NOL7: variants seen among roughly 807,000 people sequenced by gnomAD.
NOL7 encodes the protein U3 small nucleolar RNA-associated protein NOL7.
A neutral mutation model predicts 38.4 loss-of-function variants in NOL7; 36 were observed. The ratio of observed to expected loss-of-function variants is 0.94; its 90% CI spans 0.72 to 1.24. The LOEUF is 1.24. Ranked by LOEUF, NOL7 falls within the 50% of genes most tolerant of loss-of-function variation. The pLI is 0.00. For synonymous variants in NOL7, 142 were observed against 126.5 expected, an observed-to-expected ratio of 1.12 and a Z score of -0.82; for missense variants, 350 against 315.1, an observed-to-expected ratio of 1.11 and a Z score of -0.84.
At position 13,620,733 on chromosome 6, in the gene NOL7, G is replaced by A. The variant is rs1043871702; in HGVS notation, c.701-21G>A. 5.3e-6 allele frequency: 8 copies of A among 1,498,590 alleles called. 1 individual carries two copies. Among genetic ancestry groups the A allele is most frequent in the Middle Eastern group, 1.8e-4 (1 of 5,626 alleles). 92.8% of individuals were successfully genotyped at this position (1,498,590 alleles called of 1,614,324 possible). A position where few individuals can be genotyped will look rare whatever the true frequency, so the allele number is the denominator to read the frequency against. On this transcript the variant is annotated intron_variant, in intron 7 of 7. Coordinates refer to ENST00000451315, the MANE Select transcript of NOL7 (RefSeq NM_016167.5). ...ATTATGTTTTTCTAATATACTTACTGCAGAAAACTTTATATTCTAGGAATC... is the reference window on the plus strand; with the variant it reads ...ATTATGTTTTTCTAATATACTTACTACAGAAAACTTTATATTCTAGGAATC...
In NOL7 at chr6:13,616,274, G is replaced by T. The variant is rs551416598; in HGVS notation, c.328-189G>T. Among the ~76,000 whole-genome samples the T allele has an allele frequency of 3.9e-5, 6 of 152,278 alleles. No individual in the cohort carries two copies. The South Asian group carries it at 1.2e-3, about 32-fold the overall frequency. On this transcript the variant is annotated intron_variant, in intron 2 of 7. Transcript: ENST00000451315. The stretch of plus-strand genomic sequence containing the variant: ...GGGCACCCTTTCTAGTTTTCATCAA[G>T]TCTTTCAGAGAATGTGGAGTTTTGT...
At chr6:13,618,215 ATATTTTATTT>A (rs550357639) in intron 5 of NOL7, 76 bp downstream of exon 5, 39 of 509,180 alleles carry the variant, frequency 7.7e-5, no homozygotes, top group Middle Eastern at 4.7e-4. Flanking sequence ...ACATGGGAAA[ATATTTTATTT>A]TATTTTATTT....
In NOL7 at chr6:13,615,381, C is replaced by A. The variant is rs767023705; in HGVS notation, c.23C>A (p.Ala8Glu). 87 of 1,517,980 alleles carry A rather than the reference C, an allele frequency of 5.7e-5. No homozygotes were observed. Among genetic ancestry groups the A allele is most frequent in the Non-Finnish European group, 6.8e-5 (77 of 1,135,006 alleles). The allele number at this position is 1,517,980 out of a possible 1,614,324, so 94.0% of individuals were successfully genotyped here. A position where few individuals can be genotyped will look rare whatever the true frequency, so the allele number is the denominator to read the frequency against. MVQLRPR[A>E]SRAPASAEAM... Reference sequence around the variant, plus strand: ...GCCATGGTGCAGCTCCGACCGCGAGCGTCTCGCGCCCCGGCGTCGGCGGAG... The same window carrying A: ...GCCATGGTGCAGCTCCGACCGCGAGAGTCTCGCGCCCCGGCGTCGGCGGAG... Residue 8 changes from alanine to glutamate, a missense_variant, in exon 1 of 8, where the codon GCG (alanine) becomes GAG (glutamate). Ala to Glu is a moderately radical substitution (Grantham distance 107, BLOSUM62 -1). Coordinates refer to ENST00000451315, the MANE Select transcript of NOL7 (RefSeq NM_016167.5).
In NOL7 at chr6:13,617,750, GTTT is replaced by G. The variant is rs772200497; in HGVS notation, c.387-18_387-16del. ...ATCTTTACTGCCATTGCAGTCAGTG[GTTT>G]TGTTTTTTTTCCTTAGCATCAAGAA... On this transcript the variant is annotated splice_polypyrimidine_tract_variant and intron_variant, in intron 3 of 7. Transcript: ENST00000451315. The G allele has an allele frequency of 2.1e-5, 34 of 1,612,448 alleles. No homozygotes were observed. The highest frequency in any genetic ancestry group is 2.2e-5 in the South Asian group (2 of 91,048).
At position 13,627,557 on chromosome 6, in the gene NOL7, T is replaced by C. The variant is rs189526096; in HGVS notation, n.574-4836T>C. Reference sequence around the variant, plus strand: ...AGGCAGGAGAATCACTTGAACCCAGTAGGCGGAGGCTGCAGTGAGCCAAGA... The same window carrying C: ...AGGCAGGAGAATCACTTGAACCCAGCAGGCGGAGGCTGCAGTGAGCCAAGA... On this transcript the variant is annotated intron_variant and non_coding_transcript_variant, in intron 8 of 8. Coordinates refer to the NOL7 transcript ENST00000474485. Among the ~76,000 whole-genome samples the C allele has an allele frequency of 1.2e-3, 172 of 139,138 alleles. 1 individual carries two copies. Among genetic ancestry groups the C allele is most frequent in the African/African-American group, 4.4e-3 (159 of 36,424 alleles). The allele number at this position is 139,138 out of a possible 152,430, so 91.3% of individuals were successfully genotyped here.
At chr6:13,622,072 T>G, downstream of NOL7, 1 of 185,850 alleles carries the variant, frequency 5.4e-6, no homozygotes. Flanking sequence ...GGATTTTTGG[T>G]TTCTTTTAGG....
At chr6:13,627,785 G>A (rs968629657) in intron 8 of NOL7, among the ~76,000 whole-genome samples, 3 of 151,764 alleles carry the variant, frequency 2.0e-5, no homozygotes, top group Non-Finnish European at 2.9e-5. Flanking sequence ...AGGAATACTT[G>A]GTAAACAAAA....
downstream of NOL7, among the ~76,000 whole-genome samples, chr6:13,623,240 T>C (rs1764505649): frequency 6.6e-6 from 1 of 152,206 alleles, no homozygotes; most frequent in Non-Finnish European, 1.5e-5. Context: ...AAGCTGGTAA[T>C]TTCTCTTTAT....
chr6:13,616,457 C>G lies in NOL7; in HGVS notation c.328-6C>G. On this transcript the variant is annotated splice_polypyrimidine_tract_variant and splice_region_variant and intron_variant, in intron 2 of 7. Coordinates refer to ENST00000451315, the MANE Select transcript of NOL7 (RefSeq NM_016167.5). ...CTATTAATTTTAAACGTTTTCATTC[C>G]AAAAGAAAAGAAAACTCCTTCCAGA... 6.2e-7 allele frequency: 1 copy of G among 1,601,516 alleles called. No individual in the cohort carries two copies. The highest frequency in any genetic ancestry group is 1.1e-5 in the South Asian group (1 of 89,242).
chr6:13,620,904 G>T lies in NOL7; in HGVS notation c.*77G>T, dbSNP rs1286552187. 38 of 903,902 alleles carry T rather than the reference G, an allele frequency of 4.2e-5. No homozygotes were observed. Among genetic ancestry groups the T allele is most frequent in the Non-Finnish European group, 6.3e-5 (38 of 601,176 alleles). The allele number at this position is 903,902 out of a possible 1,614,324, so 56.0% of individuals were successfully genotyped here. On this transcript the variant is annotated 3_prime_UTR_variant, in exon 8 of 8. Transcript: ENST00000451315. ...AAATCATTCATAGATCATTTTAAAG[G>T]ATCATTATAAAAATCATAAACCTAT... is the stretch of plus-strand genomic sequence containing the variant.
chr6:13,615,595 G>A lies in NOL7; in HGVS notation c.237G>A (p.Glu79=). Residue 79 remains glutamate, a synonymous_variant, in exon 1 of 8, where the codon GAG becomes GAA. Transcript: ENST00000451315. ...GCGCCCAGGCGGAAGCGAGAGAAGA[G>A]GAGCGGCGAGTGCGGGAGACCGTGC... ...FASAQAEARE[E]ERRVRETVRR... 2 of 1,585,092 alleles carry A rather than the reference G, an allele frequency of 1.3e-6. No individual in the cohort carries two copies. The highest frequency in any genetic ancestry group is 8.6e-7 in the Non-Finnish European group (1 of 1,164,282).
At chr6:13,630,127 T>C (rs1055427070) in intron 8 of NOL7, among the ~76,000 whole-genome samples, 1 of 152,158 alleles carries the variant, frequency 6.6e-6, no homozygotes, top group Non-Finnish European at 1.5e-5. Flanking sequence ...TGGCTACTTA[T>C]ATATAAGGTG....
rs983407070 is a variant in NOL7 at position 13,617,718 on chromosome 6, T to C, written c.387-52T>C. On this transcript the variant is annotated intron_variant, in intron 3 of 7. Transcript: ENST00000451315. ...GGCAAATGAAATAATATAACATGTT[T>C]TGAGTAATCTTTACTGCCATTGCAG... 2.6e-6 allele frequency: 4 copies of C among 1,561,432 alleles called. No homozygotes were observed. The Admixed American group carries it at 6.8e-5, about 26-fold the overall frequency.
At position 13,615,344 on chromosome 6, in the gene NOL7, A is replaced by G. The variant is rs185604198; in HGVS notation, c.-15A>G. 3.4e-6 allele frequency: 5 copies of G among 1,473,692 alleles called. No homozygotes were observed. The highest frequency in any genetic ancestry group is 4.5e-6 in the Non-Finnish European group (5 of 1,118,366). 91.3% of individuals were successfully genotyped at this position (1,473,692 alleles called of 1,614,324 possible). ...TTCCGGGTCAGAGGTCAGACGGTCT[A>G]GCGCTGCGTGGGCCATGGTGCAGCT... On this transcript the variant is annotated 5_prime_UTR_variant, in exon 1 of 8. Transcript: ENST00000451315.
downstream of NOL7, chr6:13,622,281 T>C (rs1014072576): frequency 3.0e-6 from 4 of 1,324,052 alleles, no homozygotes; most frequent in Admixed American, 2.9e-5. Context: ...TTAAAAAATC[T>C]AAATTTCAAA....
chr6:13,617,749 G>C, intron 3 of NOL7, 21 bp from the exon 4 acceptor site: 1 of 1,612,562 alleles, frequency 6.2e-7, no homozygotes, highest in South Asian at 1.1e-5. Context: ...TGCAGTCAGT[G>C]GTTTTGTTTT....
chr6:13,624,436 C>T (rs538969258), downstream of NOL7, among the ~76,000 whole-genome samples: 1 of 152,262 alleles, frequency 6.6e-6, no homozygotes, highest in South Asian at 2.1e-4. Context: ...GGCCAAACAG[C>T]ACAGCACAGA....
rs922727014 is a variant in NOL7 at position 13,617,641 on chromosome 6, C to T, written c.387-129C>T. ...TTGCTTTCCAAACTGATGAGAGCTC[C>T]TGAGTAGAAATTGAGGGTGTTGGTA... On this transcript the variant is annotated intron_variant, in intron 3 of 7. Coordinates refer to ENST00000451315, the MANE Select transcript of NOL7 (RefSeq NM_016167.5). 6 of 784,178 alleles carry T rather than the reference C, an allele frequency of 7.7e-6. No individual in the cohort carries two copies. The East Asian group carries it at 1.6e-4, about 21-fold the overall frequency. 48.6% of individuals were successfully genotyped at this position (784,178 alleles called of 1,614,324 possible). A position where few individuals can be genotyped will look rare whatever the true frequency, so the allele number is the denominator to read the frequency against.
intron 8 of NOL7, among the ~76,000 whole-genome samples, chr6:13,631,467 G>T (rs990292530): frequency 6.6e-6 from 1 of 152,152 alleles, no homozygotes; most frequent in Non-Finnish European, 1.5e-5. Flanking sequence ...ATATCCTTGT[G>T]TATCATGTCG....
Sources: allele counts gnomAD v4.1 joint callset (sites outside exome capture counted in the v4.1 genomes callset), GRCh38; gene constraint gnomAD v4.1.1; transcripts MANE v1.5; gene names NCBI Gene and HGNC (gene_info 2026-07-23, HGNC 2026-07-21).